TEKT5: variants seen among roughly 807,000 people sequenced by gnomAD.
TEKT5 encodes the protein tektin 5, also known as tektin-5.
In TEKT5, 52 loss-of-function variants were observed where a neutral mutation model predicts 48.7. That is an observed-to-expected ratio of 1.07 (90% CI 0.86 to 1.35). The LOEUF (loss-of-function observed/expected upper bound fraction) is 1.35. Among genes scored for constraint, TEKT5 ranks in the 40% most tolerant of loss-of-function variants. The probability of loss-of-function intolerance (pLI) is 0.00; values close to 1 mark genes in which losing one functional copy is unlikely to be tolerated. For synonymous variants in TEKT5, 318 were observed against 267.6 expected (o/e 1.19, Z -1.84); for missense variants, 831 against 641.6 (o/e 1.30, Z -3.19).
At chr16:10,668,127 C>T (rs2142293311) in intron 5 of TEKT5, among the ~76,000 whole-genome samples, 1 of 152,278 alleles carries the variant, frequency 6.6e-6, no homozygotes, top group African/African-American at 2.4e-5. Context: ...GATCTGCTTG[C>T]CTTGGCTTCC....
intron 4 of TEKT5, among the ~76,000 whole-genome samples, chr16:10,679,421 C>A (rs1025823302): frequency 4.7e-5 from 7 of 148,762 alleles, no homozygotes; most frequent in Non-Finnish European, 1.0e-4. Context: ...TGTGCCACTG[C>A]GCTCTGGCCT....
At chr16:10,632,752 T>C (rs1049806516) in intron 6 of TEKT5, among the ~76,000 whole-genome samples, 4 of 151,782 alleles carry the variant, frequency 2.6e-5, no homozygotes, top group African/African-American at 9.7e-5. Flanking sequence ...ACAAGGAAGA[T>C]CATGCACAGA....
At chr16:10,660,673 GTGTGTGTGT>G (rs1898352234) in intron 5 of TEKT5, among the ~76,000 whole-genome samples, 1 of 75,156 alleles carries the variant, frequency 1.3e-5, no homozygotes, top group Admixed American at 1.2e-4. Context: ...GTGTGTGTGT[GTGTGTGTGT>G]GTGTGTGTGT....
Position 10,676,130 on chromosome 16 carries a change from G to C in TEKT5, c.915C>G (p.His305Gln), listed in dbSNP as rs775998494. 58 of 1,614,104 alleles carry C rather than the reference G, an allele frequency of 3.6e-5. No individual in the cohort carries two copies. The highest frequency in any genetic ancestry group is 1.2e-4 in the African/African-American group (9 of 74,940). ...WAKFSNDNIKHSQNMRANSIQ... is the reference protein window; with the variant it reads ...WAKFSNDNIKQSQNMRANSIQ... The stretch of plus-strand genomic sequence containing the variant: ...TGGAGTTGGCCCGCATGTTCTGAGA[G>C]TGTTTGATGTTGTCGTTACTGAACT... Residue 305 changes from histidine (H) to glutamine (Q), a missense_variant, in exon 5 of 7, where the codon CAC becomes CAG. Physicochemically the swap from His to Gln is conservative, Grantham distance 24. Coordinates refer to ENST00000283025, the MANE Select transcript of TEKT5 (RefSeq NM_144674.2).
intron 5 of TEKT5, among the ~76,000 whole-genome samples, chr16:10,647,075 GCC>G (rs1209786156): frequency 6.6e-6 from 1 of 152,094 alleles, no homozygotes; most frequent in Non-Finnish European, 1.5e-5. Flanking sequence ...CCCAGTGTTT[GCC>G]CTGTCATGGA....
At chr16:10,630,097 G>A (rs1897816236) in intron 6 of TEKT5, among the ~76,000 whole-genome samples, 1 of 151,932 alleles carries the variant, frequency 6.6e-6, no homozygotes, top group South Asian at 2.1e-4. Context: ...AACTGCACTA[G>A]GCTAATTTTA....
At position 10,627,559 on chromosome 16, in the gene TEKT5, C is replaced by T. The variant is rs536564748; in HGVS notation, c.*24G>A. 1.3e-5 allele frequency: 21 copies of T among 1,611,240 alleles called. No individual in the cohort carries two copies. Among genetic ancestry groups the T allele is most frequent in the Admixed American group, 5.0e-5 (3 of 59,968 alleles). ...AGCCTTTTCCAATTTTACGCCAGCG[C>T]GGAATGAGGCGCCAGGGCGGTGCTC... On this transcript the variant is annotated 3_prime_UTR_variant, in exon 7 of 7. Coordinates refer to ENST00000283025, the MANE Select transcript of TEKT5 (RefSeq NM_144674.2).
chr16:10,646,641 GA>G lies in TEKT5; in HGVS notation c.1087-10724del, dbSNP rs140929701. Among the ~76,000 whole-genome samples the G allele has an allele frequency of 8.7e-3, 1,325 of 152,110 alleles. 20 individuals are homozygous for G. Among genetic ancestry groups the G allele is most frequent in the African/African-American group, 0.031 (1,273 of 41,474 alleles). ...AGTCCTGGCTTCTGTATTAGCTTAAGAAAAAATCCAGGAAAAATAGATAGCA... is the reference window on the plus strand; with the variant it reads ...AGTCCTGGCTTCTGTATTAGCTTAAGAAAAATCCAGGAAAAATAGATAGCA... On this transcript the variant is annotated intron_variant, in intron 5 of 6. Transcript: ENST00000283025.
intron 6 of TEKT5, among the ~76,000 whole-genome samples, chr16:10,632,574 G>C (rs1410685167): frequency 6.6e-6 from 1 of 152,084 alleles, no homozygotes; most frequent in East Asian, 1.9e-4. Flanking sequence ...GGGGTTACAG[G>C]TCTGAACCAC....
At chr16:10,676,277 T>C in intron 4 of TEKT5, 96 bp from the exon 5 acceptor site, 6 of 1,192,530 alleles carry the variant, frequency 5.0e-6, no homozygotes, top group Non-Finnish European at 7.3e-6. Flanking sequence ...GTCGGGATTA[T>C]TCTCTGTCCT....
intron 5 of TEKT5, among the ~76,000 whole-genome samples, chr16:10,674,521 G>C (rs1898607816): frequency 6.8e-6 from 1 of 146,744 alleles, no homozygotes; most frequent in African/African-American, 2.5e-5. Context: ...CGTAGTCTCA[G>C]CTACTTGGGT....
chr16:10,665,201 G>T (rs2719678), intron 5 of TEKT5, among the ~76,000 whole-genome samples: 8,993 of 152,240 alleles, frequency 0.059, 607 homozygotes, highest in East Asian at 0.17. Flanking sequence ...CAAAGGTGGA[G>T]GAGTCATCAC....
chr16:10,680,309 G>A (rs1353660593), intron 4 of TEKT5, among the ~76,000 whole-genome samples: 6 of 152,218 alleles, frequency 3.9e-5, no homozygotes, highest in Non-Finnish European at 5.9e-5. Flanking sequence ...TTGGGCCAAG[G>A]AGAATGCCAA....
In TEKT5 at chr16:10,630,851, G is replaced by A. The variant is rs142005805; in HGVS notation, c.1242-3052C>T. Among the ~76,000 whole-genome samples, 794 of 151,724 alleles carry A rather than the reference G, an allele frequency of 5.2e-3. 2 individuals are homozygous for A. The highest frequency in any genetic ancestry group is 0.01 in the Middle Eastern group (3 of 294). On this transcript the variant is annotated intron_variant, in intron 6 of 6. Transcript: ENST00000283025. ...CTGGTCAACATGGTGGCAAAATGCC[G>A]TCTCCACTAAAAATAGAAAAAAATT... is the stretch of plus-strand genomic sequence containing the variant.
At chr16:10,673,618 G>T (rs190086299) in intron 5 of TEKT5, among the ~76,000 whole-genome samples, 1 of 148,924 alleles carries the variant, frequency 6.7e-6, no homozygotes, top group African/African-American at 2.5e-5. Context: ...GGCCTCTTCT[G>T]GAGCCTCCTA....
chr16:10,688,018 C>A (rs954522391), intron 3 of TEKT5, among the ~76,000 whole-genome samples: 5 of 152,102 alleles, frequency 3.3e-5, no homozygotes, highest in Admixed American at 3.3e-4. Flanking sequence ...TTTAAATGTG[C>A]AATAAATTAT....
At chr16:10,627,938 G>C (rs1344185742) in intron 6 of TEKT5, 139 bp from the exon 7 acceptor site, 2 of 670,526 alleles carry the variant, frequency 3.0e-6, no homozygotes, top group Non-Finnish European at 4.8e-6. Flanking sequence ...TGCCTCCCGG[G>C]TTCAAGTAAT....
At chr16:10,676,895 T>C (rs938769438) in intron 4 of TEKT5, among the ~76,000 whole-genome samples, 2 of 152,138 alleles carry the variant, frequency 1.3e-5, no homozygotes, top group African/African-American at 4.8e-5. Flanking sequence ...GGAAGGGATT[T>C]AGAAACTGGA....
In TEKT5 at chr16:10,693,498, C is replaced by A. The variant is rs139601238; in HGVS notation, c.564+812G>T. Among the ~76,000 whole-genome samples, 234 of 152,342 alleles carry A rather than the reference C, an allele frequency of 1.5e-3. 2 individuals are homozygous for A. The highest frequency in any genetic ancestry group is 3.9e-3 in the African/African-American group (162 of 41,572). ...AATACATTCAAAACATTAGTGTAAA[C>A]AATACCAGTCAGCACCGACATTGGT... On this transcript the variant is annotated intron_variant, in intron 1 of 6. Coordinates refer to ENST00000283025, the MANE Select transcript of TEKT5 (RefSeq NM_144674.2).
Sources: gnomAD v4.1 joint callset for allele counts (sites outside exome capture counted in the v4.1 genomes callset) on GRCh38, gnomAD v4.1.1 for gene constraint, MANE v1.5 for transcripts, NCBI Gene and HGNC (gene_info 2026-07-23, HGNC 2026-07-21) for gene names.